Variants in DST observed in about 807,000 individuals in gnomAD.
DST encodes bullous pemphigoid antigen.
Under a neutral mutation model 875.2 loss-of-function variants are expected in DST, and 253 were observed. That is an observed-to-expected ratio of 0.29 (90% confidence interval 0.26 to 0.32). The LOEUF (loss-of-function observed/expected upper bound fraction) is 0.32, where lower values mean the gene tolerates loss of function less well. DST is among the 10% of genes least tolerant of loss of function. The pLI, the probability that DST is intolerant of heterozygous loss-of-function variation, is 1.00. For missense variants in DST, 8,287 were observed against 9,111.6 expected, an observed-to-expected ratio of 0.91 and a Z score of 3.68; for synonymous variants, 3,124 against 3,197.1, an observed-to-expected ratio of 0.98 and a Z score of 0.77.
chr6:56,863,574 C>T (rs891413382), intron 3 of DST, among the ~76,000 whole-genome samples: 7 of 152,146 alleles, frequency 4.6e-5, no homozygotes, highest in African/African-American at 1.7e-4. Flanking sequence ...ATTCCAATCC[C>T]CTGACCTTCC....
intron 4 of DST, among the ~76,000 whole-genome samples, chr6:56,800,306 G>A (rs959259139): frequency 6.6e-6 from 1 of 152,144 alleles, no homozygotes; most frequent in Non-Finnish European, 1.5e-5. Flanking sequence ...GTTTTTAACT[G>A]GCAACCTGCT....
chr6:56,600,295 A>C, intron 44 of DST, 74 bp from the exon 45 acceptor site: 1 of 1,427,966 alleles, frequency 7.0e-7, no homozygotes, highest in Non-Finnish European at 9.6e-7. Context: ...GCTTCTTATT[A>C]GAACACATTT....
chr6:56,705,766 A>G (rs371718707), intron 5 of DST, among the ~76,000 whole-genome samples: 6 of 152,338 alleles, frequency 3.9e-5, no homozygotes, highest in Admixed American at 3.9e-4. Flanking sequence ...CTTAGGCTCA[A>G]TAGCTCTACC....
At chr6:56,722,368 G>GTTTGTTA (rs376637331) in intron 5 of DST, among the ~76,000 whole-genome samples, 1 of 150,596 alleles carries the variant, frequency 6.6e-6, no homozygotes, top group African/African-American at 2.4e-5. Flanking sequence ...GTACATGTTT[G>GTTTGTTA]TTTATTTATT....
chr6:56,860,745 C>T (rs1770703492), intron 3 of DST, among the ~76,000 whole-genome samples: 1 of 152,188 alleles, frequency 6.6e-6, no homozygotes, highest in South Asian at 2.1e-4. Context: ...ATTGTCACTT[C>T]AGGAAATATG....
At chr6:56,791,583 C>T (rs1484693383) in intron 4 of DST, among the ~76,000 whole-genome samples, 1 of 151,942 alleles carries the variant, frequency 6.6e-6, no homozygotes, top group Admixed American at 6.6e-5. Context: ...CCCAGAAGTT[C>T]GAGACCAGCC....
intron 72 of DST, 142 bp from the exon 73 acceptor site, chr6:56,511,542 T>C (rs948224763): frequency 3.0e-6 from 2 of 656,016 alleles, no homozygotes; most frequent in African/African-American, 1.8e-5. Context: ...TGATGGCTCA[T>C]ACAGCTCTTT....
rs1426222686 is a variant in DST at position 56,553,238 on chromosome 6, C to T, written c.15554G>A (p.Cys5185Tyr). 4.3e-6 allele frequency: 7 copies of T among 1,613,872 alleles called. No individual in the cohort carries two copies. Among genetic ancestry groups the T allele is most frequent in the Admixed American group, 1.7e-5 (1 of 60,032 alleles). Residue 5185 changes from cysteine to tyrosine, a missense_variant, in exon 61 of 104, where the codon TGC becomes TAC. Cys to Tyr is a radical substitution (Grantham distance 194, BLOSUM62 -2). This residue lies in a region of DST where 1,513 missense variants were observed against 1,677.8 expected (regional missense o/e 0.90). Coordinates refer to ENST00000680361, the MANE Select transcript of DST (RefSeq NM_001374736.1). ...TTTTATTTCCTCCAGGTTGTTTTGG[C>T]ATTTGTCTATCCATGGCCAGAGAGT... Reference protein sequence around the residue: ...VETLWPWIDKCQNNLEEIKFC... With the variant: ...VETLWPWIDKYQNNLEEIKFC...
chr6:56,892,158 A>G (rs539553397), intron 3 of DST, among the ~76,000 whole-genome samples: 5 of 152,174 alleles, frequency 3.3e-5, no homozygotes, highest in Admixed American at 2.6e-4. Context: ...CAGAAAAGAA[A>G]GCTTAAACCA....
chr6:56,754,825 T>C (rs887987910), intron 4 of DST, among the ~76,000 whole-genome samples: 13 of 152,264 alleles, frequency 8.5e-5, no homozygotes, highest in Admixed American at 3.9e-4. Context: ...GGATAAAGTA[T>C]TTAAATTAAA....
At chr6:56,836,129 T>G (rs2099793261) in intron 4 of DST, among the ~76,000 whole-genome samples, 1 of 152,202 alleles carries the variant, frequency 6.6e-6, no homozygotes. Flanking sequence ...CTATTAACTT[T>G]AATTTCATGC....
intron 9 of DST, among the ~76,000 whole-genome samples, chr6:56,684,016 C>G (rs1294629862): frequency 6.6e-6 from 1 of 152,246 alleles, no homozygotes; most frequent in Non-Finnish European, 1.5e-5. Context: ...ATTTCATTCA[C>G]AGCTTATTAC....
intron 4 of DST, among the ~76,000 whole-genome samples, chr6:56,791,020 A>C (rs1345964800): frequency 1.3e-5 from 2 of 152,226 alleles, no homozygotes; most frequent in Non-Finnish European, 2.9e-5. Flanking sequence ...GACACATGGA[A>C]TGAGAAAGAG....
At chr6:56,572,605 T>A in intron 52 of DST, 142 bp downstream of exon 52, 1 of 625,072 alleles carries the variant, frequency 1.6e-6, no homozygotes, top group Non-Finnish European at 2.6e-6. Context: ...GGTTTGAAAT[T>A]CTTAAAGGAG....
chr6:56,900,645 C>A lies in DST; in HGVS notation c.217-24G>T, dbSNP rs79797617. 4.6e-3 allele frequency: 6,207 copies of A among 1,362,790 alleles called. 23 individuals carry two copies. Among genetic ancestry groups the A allele is most frequent in the Admixed American group, 5.7e-3 (297 of 51,940 alleles). 84.4% of individuals were successfully genotyped at this position (1,362,790 alleles called of 1,614,324 possible). A position where few individuals can be genotyped will look rare whatever the true frequency, so the allele number is the denominator to read the frequency against. On this transcript the variant is annotated intron_variant, in intron 2 of 103. Transcript: ENST00000680361. ...CCCTGTGGCAGAAAACACAACCAAG[C>A]AAATCCAGATTTGTATTGAGTTAGT...
Position 56,639,910 on chromosome 6 carries a change from A to C in DST, c.2619+19T>G. ...GAGTAAACTAAAATGAAATATATAC[A>C]AATTTTAAATTCACATACCTCACTG... On this transcript the variant is annotated intron_variant, in intron 19 of 103. Coordinates refer to ENST00000680361, the MANE Select transcript of DST (RefSeq NM_001374736.1). The C allele has an allele frequency of 6.2e-7, 1 of 1,609,366 alleles. No homozygotes were observed. Among genetic ancestry groups the C allele is most frequent in the African/African-American group, 1.3e-5 (1 of 74,900 alleles).
intron 36 of DST, among the ~76,000 whole-genome samples, chr6:56,622,132 T>C (rs558293587): frequency 1.3e-5 from 2 of 152,356 alleles, no homozygotes; most frequent in South Asian, 4.1e-4. Context: ...ACAGTCTCAG[T>C]TGCTTATCAA....
At chr6:56,806,399 C>A (rs1453394820) in intron 4 of DST, among the ~76,000 whole-genome samples, 1 of 152,112 alleles carries the variant, frequency 6.6e-6, no homozygotes, top group Non-Finnish European at 1.5e-5. Context: ...ATCTTCCAAG[C>A]AAAAGCAGAA....
chr6:56,509,899 T>TTTCC, intron 73 of DST, 26 bp from the exon 74 acceptor site: 2 of 1,523,474 alleles, frequency 1.3e-6, no homozygotes, highest in Non-Finnish European at 1.8e-6. Context: ...AGAGATCTTT[T>TTTCC]ATGGAAAAAA....
Sources: allele counts gnomAD v4.1 joint callset (sites outside exome capture counted in the v4.1 genomes callset), GRCh38; gene constraint gnomAD v4.1.1; regional missense constraint gnomAD v4.1.1; transcripts MANE v1.5; gene names NCBI Gene and HGNC (gene_info 2026-07-23, HGNC 2026-07-21).